SPADH: variants seen among roughly 807,000 people sequenced by gnomAD.
The protein encoded by SPADH is CUB domain-containing protein.
chr10:122,675,731 G>A, the SPADH span: 1 of 741,900 alleles, frequency 1.3e-6, no homozygotes, highest in Non-Finnish European at 1.6e-6. Flanking sequence ...ACTGTTTTGG[G>A]GTTGAAATCC....
chr10:122,678,742 G>A, the SPADH span: 2 of 180,016 alleles, frequency 1.1e-5, no homozygotes, highest in Admixed American at 1.3e-4. Flanking sequence ...CACTTCTCAT[G>A]AGCAAAGCTG....
chr10:122,676,523 C>T, the SPADH span, among the ~76,000 whole-genome samples: 21 of 152,204 alleles, frequency 1.4e-4, no homozygotes, highest in Non-Finnish European at 2.8e-4. Flanking sequence ...CTATTTCCCA[C>T]TGGTCATAAA....
chr10:122,678,936 C>T, the SPADH span: 1 of 983,818 alleles, frequency 1.0e-6, no homozygotes, highest in Non-Finnish European at 1.2e-6. Context: ...GCCTTCAGTA[C>T]ATTCTATTAC....
At chr10:122,677,368 G>A in the SPADH span, among the ~76,000 whole-genome samples, 4 of 152,236 alleles carry the variant, frequency 2.6e-5, no homozygotes, top group Non-Finnish European at 5.9e-5. Flanking sequence ...ACTCTCTGCA[G>A]AGGAGGAGAG....
At chr10:122,678,388 G>A in the SPADH span, among the ~76,000 whole-genome samples, 1 of 152,186 alleles carries the variant, frequency 6.6e-6, no homozygotes, top group Non-Finnish European at 1.5e-5. Context: ...CATCTGCCAG[G>A]GGAAAGGAAG....
At chr10:122,673,095 C>A in the SPADH span, among the ~76,000 whole-genome samples, 1 of 152,204 alleles carries the variant, frequency 6.6e-6, no homozygotes, top group Non-Finnish European at 1.5e-5. Flanking sequence ...GAAGAAGAGA[C>A]AAATAGGAAA....
At chr10:122,678,886 T>G in the SPADH span, 1 of 984,682 alleles carries the variant, frequency 1.0e-6, no homozygotes, top group Non-Finnish European at 1.2e-6. Flanking sequence ...AAGTGCTGGA[T>G]GGACCTCCAG....
chr10:122,679,426 T>C, the SPADH span, among the ~76,000 whole-genome samples: 52 of 151,990 alleles, frequency 3.4e-4, no homozygotes, highest in Non-Finnish European at 2.6e-4. Flanking sequence ...ATGAACTATA[T>C]ACTATAAGGA....
At chr10:122,673,275 T>C in the SPADH span, among the ~76,000 whole-genome samples, 1 of 152,192 alleles carries the variant, frequency 6.6e-6, no homozygotes, top group Non-Finnish European at 1.5e-5. Context: ...GGTCTTGCTT[T>C]CGAGGCTTTC....
chr10:122,674,018 A>G, the SPADH span, among the ~76,000 whole-genome samples: 3 of 152,252 alleles, frequency 2.0e-5, no homozygotes, highest in Admixed American at 2.0e-4. Flanking sequence ...GCAACTGGTC[A>G]TAGGAACCCT....
At chr10:122,672,995 T>A in the SPADH span, 9 of 918,164 alleles carry the variant, frequency 9.8e-6, no homozygotes, top group Non-Finnish European at 1.2e-5. Context: ...GCAGAGATTT[T>A]AAAATTTGCT....
the SPADH span, chr10:122,676,715 A>G: frequency 4.1e-6 from 4 of 985,316 alleles, no homozygotes; most frequent in Non-Finnish European, 4.8e-6. Context: ...CCAGACCTAG[A>G]GCATCCCTGC....
chr10:122,673,374 G>A, the SPADH span, among the ~76,000 whole-genome samples: 1 of 152,170 alleles, frequency 6.6e-6, no homozygotes, highest in African/African-American at 2.4e-5. Context: ...TGTGGCCCTT[G>A]GGGGAGCCCA....
the SPADH span, chr10:122,679,012 A>T: frequency 1.0e-6 from 1 of 985,234 alleles, no homozygotes; most frequent in African/African-American, 1.7e-5. Flanking sequence ...CCTTCTTTGA[A>T]ATATATTACT....
the SPADH span, chr10:122,679,049 T>C: frequency 2.0e-6 from 2 of 984,524 alleles, no homozygotes; most frequent in Non-Finnish European, 2.4e-6. Context: ...AACACATTAA[T>C]AGGAAGATCG....
chr10:122,676,681 C>T, the SPADH span: 1 of 972,414 alleles, frequency 1.0e-6, no homozygotes, highest in Non-Finnish European at 1.2e-6. Flanking sequence ...ATAACAGGGG[C>T]CCCTGGAATG....
chr10:122,676,727 G>A, the SPADH span: 3 of 985,392 alleles, frequency 3.0e-6, no homozygotes, highest in Non-Finnish European at 3.6e-6. Flanking sequence ...CATCCCTGCA[G>A]TGCCTGGGCC....
the SPADH span, chr10:122,676,986 A>G: frequency 4.8e-6 from 4 of 838,584 alleles, no homozygotes; most frequent in African/African-American, 1.8e-5. Flanking sequence ...CACCCTATCC[A>G]TGACAGCCAT....
chr10:122,675,343 C>A, the SPADH span, among the ~76,000 whole-genome samples: 1 of 152,114 alleles, frequency 6.6e-6, no homozygotes, highest in Non-Finnish European at 1.5e-5. Context: ...GACAATTGAA[C>A]TTTAATTGAG....
Sources: allele counts gnomAD v4.1 joint callset (sites outside exome capture counted in the v4.1 genomes callset), GRCh38; gene constraint gnomAD v4.1.1; transcripts MANE v1.5; gene names NCBI Gene and HGNC (gene_info 2026-07-23, HGNC 2026-07-21).